RECQL5: variants seen among roughly 807,000 people sequenced by gnomAD.
RECQL5 encodes the protein ATP-dependent DNA helicase Q5.
Under a neutral mutation model 103.4 loss-of-function variants are expected in RECQL5, and 88 were observed. The ratio of observed to expected loss-of-function variants is 0.85; its 90% CI spans 0.72 to 1.02. RECQL5 has a LOEUF of 1.02. Among genes scored for constraint, RECQL5 ranks in the 50% least tolerant of loss-of-function variants. The probability of loss-of-function intolerance (pLI) is 0.00; values close to 1 mark genes in which losing one functional copy is unlikely to be tolerated. For missense variants in RECQL5, 1,232 were observed against 1,284.3 expected (o/e 0.96, Z 0.62); for synonymous variants, 552 against 507.9 (o/e 1.09, Z -1.17).
chr17:75,635,465 G>A (rs374863377), intron 8 of RECQL5, among the ~76,000 whole-genome samples: 5 of 152,216 alleles, frequency 3.3e-5, no homozygotes, highest in Non-Finnish European at 1.5e-5. Context: ...CAGAAAGAGC[G>A]CCTACTGTTT....
In RECQL5 at chr17:75,666,491, C is replaced by A. The variant is rs761686100; in HGVS notation, c.67G>T (p.Val23Phe). 1.9e-6 allele frequency: 3 copies of A among 1,614,018 alleles called. No individual in the cohort carries two copies. Among genetic ancestry groups the A allele is most frequent in the East Asian group, 2.2e-5 (1 of 44,900 alleles). ...ERRVRSTLKK[V>F]FGFDSFKTPL... ...GTCTTAAAAGAGTCAAACCCAAAGA[C>A]CTTCTTCAGCGTACTCCGGACTCGC... Residue 23 changes from valine (V) to phenylalanine (F), a missense_variant, in exon 2 of 20, where the codon GTC becomes TTC. Val to Phe is a conservative substitution (Grantham distance 50). Transcript: ENST00000317905.
At chr17:75,653,454 T>C (rs1033207160) in intron 7 of RECQL5, among the ~76,000 whole-genome samples, 1 of 152,242 alleles carries the variant, frequency 6.6e-6, no homozygotes, top group African/African-American at 2.4e-5. Flanking sequence ...TTCACTCTGT[T>C]ATAAGCCTGT....
rs1032752083 is a variant in RECQL5, at chr17:75,640,091, G to C, written c.1230-8423C>G. On this transcript the variant is annotated intron_variant, in intron 8 of 19. Transcript: ENST00000317905. This position sits in a 1 kb window ranked among gnomAD's most constrained non-coding sequence, Gnocchi z 4.6. ...TGTTCTGCGGGCTGCGGATGGGTGC[G>C]AGGGTGGAATCTCGGTGCTGCGACG... The C allele has an allele frequency of 7.1e-7, 1 of 1,402,026 alleles. No individual in the cohort carries two copies. Among genetic ancestry groups the C allele is most frequent in the Non-Finnish European group, 9.4e-7 (1 of 1,066,570 alleles). The allele number at this position is 1,402,026 out of a possible 1,614,324, so 86.8% of individuals were successfully genotyped here.
Position 75,640,901 on chromosome 17 carries a change from A to C in RECQL5, c.1230-9233T>G. The C allele has an allele frequency of 6.5e-7, 1 of 1,542,928 alleles. No individual in the cohort carries two copies. The highest frequency in any genetic ancestry group is 8.7e-7 in the Non-Finnish European group (1 of 1,146,736). ...GGTGCAGCCGACACCACCATGACGGACGGGCGATGGCTGAGGAGAAGCTGG... is the reference window on the plus strand; with the variant it reads ...GGTGCAGCCGACACCACCATGACGGCCGGGCGATGGCTGAGGAGAAGCTGG... On this transcript the variant is annotated intron_variant, in intron 8 of 19. Coordinates refer to ENST00000317905, the MANE Select transcript of RECQL5 (RefSeq NM_004259.7). This position sits in a 1 kb window ranked among gnomAD's most constrained non-coding sequence, Gnocchi z 4.6.
Position 75,658,435 on chromosome 17 carries a change from T to C in RECQL5, c.1012A>G (p.Lys338Glu), listed in dbSNP as rs377212812. ...TCCTGGTAGTACCCAGCCATAGACT[T>C]GGCAATATTCCAATGGGCGACAAAC... is the stretch of plus-strand genomic sequence containing the variant. The part of the protein sequence containing the change: ...VRFVAHWNIA[K>E]SMAGYYQESG... Residue 338 changes from lysine to glutamate, a missense_variant, in exon 7 of 20, where the codon AAG (lysine) becomes GAG (glutamate). Transcript: ENST00000317905. 6.2e-7 allele frequency: 1 copy of C among 1,613,802 alleles called. No homozygotes were observed. The highest frequency in any genetic ancestry group is 8.5e-7 in the Non-Finnish European group (1 of 1,179,812).
intron 13 of RECQL5, 121 bp downstream of exon 13, chr17:75,630,498 G>A: frequency 1.8e-6 from 2 of 1,107,638 alleles, no homozygotes; most frequent in Non-Finnish European, 2.7e-6. Context: ...CAGTCCCCTG[G>A]AGTAGGAGAG....
At chr17:75,657,228 G>A (rs1227055221) in intron 7 of RECQL5, among the ~76,000 whole-genome samples, 4 of 152,126 alleles carry the variant, frequency 2.6e-5, no homozygotes, top group Non-Finnish European at 5.9e-5. Context: ...CAAAAAACAA[G>A]GGAAGATTAA....
chr17:75,652,998 A>C (rs560496924), intron 7 of RECQL5, among the ~76,000 whole-genome samples: 1 of 152,348 alleles, frequency 6.6e-6, no homozygotes, highest in East Asian at 1.9e-4. Flanking sequence ...CCACCTGGGA[A>C]ACCCAAGGCA....
chr17:75,628,686 G>A lies in RECQL5; in HGVS notation c.2566C>T (p.Pro856Ser). 1 of 1,587,768 alleles carries A rather than the reference G, an allele frequency of 6.3e-7. No homozygotes were observed. The highest frequency in any genetic ancestry group is 8.5e-7 in the Non-Finnish European group (1 of 1,173,182). ...PAKDTWKGKR[P>S]RSQQENPESQ... The stretch of plus-strand genomic sequence containing the variant: ...CCTGCCGGCACCTGCTGGGATCGAG[G>A]CCGCTTGCCCTTCCATGTGTCCTTT... Residue 856 changes from proline (P) to serine (S), a missense_variant, in exon 17 of 20, where the codon CCT becomes TCT. Pro to Ser is a moderately conservative substitution (Grantham distance 74). Coordinates refer to ENST00000317905, the MANE Select transcript of RECQL5 (RefSeq NM_004259.7).
At chr17:75,635,213 G>A (rs779363905) in intron 8 of RECQL5, among the ~76,000 whole-genome samples, 9 of 152,236 alleles carry the variant, frequency 5.9e-5, no homozygotes, top group Non-Finnish European at 1.0e-4. Context: ...GGCTGGGGCT[G>A]GTGTCTGGGG....
intron 2 of RECQL5, 37 bp downstream of exon 2, chr17:75,666,391 A>C (rs1413684140): frequency 6.2e-7 from 1 of 1,612,520 alleles, no homozygotes; most frequent in East Asian, 2.2e-5. Flanking sequence ...TGGTATAGCC[A>C]GCATAAATTT....
At chr17:75,628,521 C>A in intron 17 of RECQL5, 79 bp from the exon 18 acceptor site, 1 of 1,544,806 alleles carries the variant, frequency 6.5e-7, no homozygotes, top group Admixed American at 1.8e-5. Flanking sequence ...GACTGGGTCC[C>A]CGCACCAGCT....
chr17:75,634,300 A>T (rs1376856747), intron 8 of RECQL5: 1 of 976,780 alleles, frequency 1.0e-6, no homozygotes, highest in Non-Finnish European at 1.2e-6. Flanking sequence ...ATAAACACGG[A>T]GAGGTCTTCG....
chr17:75,647,256 G>T, intron 8 of RECQL5: 1 of 835,702 alleles, frequency 1.2e-6, no homozygotes, highest in African/African-American at 1.7e-5. Context: ...CTGCCAGGCG[G>T]GCCGGCTGCT....
chr17:75,664,872 C>A (rs530902456), intron 3 of RECQL5, among the ~76,000 whole-genome samples, 179 bp downstream of exon 3: 12 of 145,882 alleles, frequency 8.2e-5, no homozygotes, highest in African/African-American at 2.3e-4. Context: ...AAGATCGCAC[C>A]ACCGCACTTC....
At chr17:75,659,108 CTGGAGTGCAG>C (rs1260340218) in intron 6 of RECQL5, among the ~76,000 whole-genome samples, 1 of 152,164 alleles carries the variant, frequency 6.6e-6, no homozygotes, top group East Asian at 1.9e-4. Flanking sequence ...TGTCACCAGG[CTGGAGTGCAG>C]TGGAGTGATC....
rs532811843 is a variant in RECQL5, at chr17:75,662,157, A to G, written c.771+322T>C. On this transcript the variant is annotated intron_variant, in intron 4 of 19. Coordinates refer to ENST00000317905, the MANE Select transcript of RECQL5 (RefSeq NM_004259.7). Reference sequence around the variant, plus strand: ...GCCTGGGCAACAAGAGCAAAACTCCATCTCAAAAAAAAAACAGGCCAAAAG... The same window carrying G: ...GCCTGGGCAACAAGAGCAAAACTCCGTCTCAAAAAAAAAACAGGCCAAAAG... Among the ~76,000 whole-genome samples the G allele has an allele frequency of 2.0e-5, 3 of 152,160 alleles. No individual in the cohort carries two copies. In the South Asian group the frequency reaches 6.2e-4, roughly 32 times the overall value.
rs1168206899 is a variant in RECQL5 at position 75,636,068 on chromosome 17, AC to A, written c.1230-4401del. 6.6e-6 allele frequency among the ~76,000 whole-genome samples: 1 copy of A among 152,128 alleles called. No individual in the cohort carries two copies. Among genetic ancestry groups the A allele is most frequent in the Non-Finnish European group, 1.5e-5 (1 of 68,022 alleles). On this transcript the variant is annotated intron_variant, in intron 8 of 19. Transcript: ENST00000317905. The surrounding 1 kb of genome is among the most constrained non-coding windows in gnomAD (Gnocchi z 5.4). Reference sequence around the variant, plus strand: ...CTGACCGCTACTGCAGCCAGGGCACACCCTCTGAAGGCTCCAAGCAGGGCTG... The same window carrying A: ...CTGACCGCTACTGCAGCCAGGGCACACCTCTGAAGGCTCCAAGCAGGGCTG...
chr17:75,628,561 C>A, intron 17 of RECQL5, 111 bp downstream of exon 17: 1 of 1,507,368 alleles, frequency 6.6e-7, no homozygotes. Context: ...CATCTGCTGC[C>A]AGGTGTGGAA....
Sources: allele counts gnomAD v4.1 joint callset (sites outside exome capture counted in the v4.1 genomes callset), GRCh38; gene constraint gnomAD v4.1.1; non-coding constraint Gnocchi (gnomAD v3.1); transcripts MANE v1.5; gene names NCBI Gene and HGNC (gene_info 2026-07-23, HGNC 2026-07-21).